The following MRO variants were observed in gnomAD, a reference collection of about 807,000 sequenced individuals.
MRO encodes protein maestro.
MRO carries 28 observed loss-of-function variants against 31.0 expected under a neutral mutation model. The ratio of observed to expected loss-of-function variants is 0.90; its 90% confidence interval spans 0.67 to 1.24. MRO has a LOEUF of 1.24. Among genes scored for constraint, MRO ranks in the 50% most tolerant of loss-of-function variants. MRO has a pLI of 0.00. For synonymous variants in MRO, 108 were observed against 108.4 expected (o/e 1.00, Z 0.02); for missense variants, 332 against 289.2 (o/e 1.15, Z -1.07).
Position 50,801,427 on chromosome 18 carries a change from T to G in MRO, c.507A>C (p.Lys169Asn), listed in dbSNP as rs925799345. The change falls in exon 6 of 8, where the codon AAA becomes AAC. Residue 169 changes from lysine (K) to asparagine (N), a missense_variant. Physicochemically the swap from Lys to Asn is moderately conservative, Grantham distance 94. Transcript: ENST00000398439. ...TCTGCTTAACCTGACTGGTGAAAAA[T>G]TTTTTCCATTTCCTCCCGGCAAAGG... Reference protein sequence around the residue: ...LAAFAGRKWKKFFTSQVKQTR... With the variant: ...LAAFAGRKWKNFFTSQVKQTR... 3 of 1,611,594 alleles carry G rather than the reference T, an allele frequency of 1.9e-6. No homozygotes were observed. Among genetic ancestry groups the G allele is most frequent in the Non-Finnish European group, 2.5e-6 (3 of 1,178,464 alleles).
chr18:50,810,789 A>G (rs1197710571), intron 2 of MRO, among the ~76,000 whole-genome samples: 2 of 152,208 alleles, frequency 1.3e-5, no homozygotes, highest in Non-Finnish European at 2.9e-5. Context: ...CTTTCTTCCA[A>G]GCTCCCAGGG....
chr18:50,825,017 C>T (rs867123888), intron 1 of MRO, among the ~76,000 whole-genome samples: 3 of 149,056 alleles, frequency 2.0e-5, no homozygotes, highest in Admixed American at 6.7e-5. Flanking sequence ...CGCAGTGAGC[C>T]GAGATCGCAC....
intron 5 of MRO, among the ~76,000 whole-genome samples, chr18:50,804,021 T>G (rs1301232942): frequency 6.6e-6 from 1 of 151,260 alleles, no homozygotes; most frequent in Non-Finnish European, 1.5e-5. Context: ...GGTAGTTGAG[T>G]GTAGCCCTAT....
intron 2 of MRO, among the ~76,000 whole-genome samples, chr18:50,810,966 C>T (rs1050535460): frequency 5.9e-5 from 9 of 152,066 alleles, no homozygotes; most frequent in Non-Finnish European, 1.3e-4. Flanking sequence ...GAGAGAGGAC[C>T]GTGGGCTGGA....
chr18:50,811,425 A>C (rs1914461890), intron 2 of MRO, among the ~76,000 whole-genome samples: 1 of 152,216 alleles, frequency 6.6e-6, no homozygotes, highest in African/African-American at 2.4e-5. Flanking sequence ...ACCTATTCTG[A>C]ATATTTCACA....
In MRO at chr18:50,796,858, T is replaced by C. The variant is rs1912834106; in HGVS notation, c.*2479A>G. Reference sequence around the variant, plus strand: ...TTAATCACATGGCCAGGCTCTGTGGTAGGTATGGTGAGAAACAGAAACAAA... The same window carrying C: ...TTAATCACATGGCCAGGCTCTGTGGCAGGTATGGTGAGAAACAGAAACAAA... On this transcript the variant is annotated 3_prime_UTR_variant, in exon 8 of 8. Transcript: ENST00000398439. 1 of 152,284 alleles carries C rather than the reference T, an allele frequency of 6.6e-6. No homozygotes were observed. The highest frequency in any genetic ancestry group is 2.1e-4 in the South Asian group (1 of 4,824). 9.4% of individuals were successfully genotyped at this position (152,284 alleles called of 1,614,324 possible).
rs1310702333 is a variant in MRO at position 50,809,142 on chromosome 18, CTCAAAAA to C, written c.99+153_99+159del. Reference sequence around the variant, plus strand: ...CCTGGGCGACAGAGCGAGACTCCGTCTCAAAAAAAAAAAAAAAAAAAAAAAAAAAAAC... The same window carrying C: ...CCTGGGCGACAGAGCGAGACTCCGTCAAAAAAAAAAAAAAAAAAAAAAAAC... On this transcript the variant is annotated intron_variant, in intron 3 of 7. Transcript: ENST00000398439. Among the ~76,000 whole-genome samples the C allele has an allele frequency of 8.1e-4, 54 of 66,482 alleles. 2 individuals carry two copies. The highest frequency in any genetic ancestry group is 8.8e-3 in the Middle Eastern group (1 of 114). The allele number at this position is 66,482 out of a possible 152,430, so 43.6% of individuals were successfully genotyped here.
intron 5 of MRO, 144 bp from the exon 6 acceptor site, chr18:50,801,648 A>G (rs916172071): frequency 2.7e-6 from 2 of 744,186 alleles, no homozygotes; most frequent in African/African-American, 3.5e-5. Flanking sequence ...ACTGTACATT[A>G]CAGGGTGGGT....
chr18:50,802,531 A>G (rs917577848), intron 5 of MRO, among the ~76,000 whole-genome samples: 1 of 152,092 alleles, frequency 6.6e-6, no homozygotes, highest in African/African-American at 2.4e-5. Context: ...TTTGTAGTCT[A>G]AGTCCTCCTC....
chr18:50,823,810 AC>A (rs1375663502), upstream of MRO: 3 of 204,836 alleles, frequency 1.5e-5, no homozygotes, highest in African/African-American at 7.0e-5. Flanking sequence ...ATGGGGCTGG[AC>A]ACAGGATTGG....
chr18:50,803,847 G>A (rs1368152500), intron 5 of MRO, among the ~76,000 whole-genome samples: 2 of 152,256 alleles, frequency 1.3e-5, no homozygotes, highest in Non-Finnish European at 2.9e-5. Flanking sequence ...AAATCTCTCT[G>A]GGAGTAAATA....
intron 4 of MRO, among the ~76,000 whole-genome samples, chr18:50,806,114 TA>T (rs1425480569): frequency 6.6e-6 from 1 of 152,064 alleles, no homozygotes; most frequent in African/African-American, 2.4e-5. Flanking sequence ...TACAAAAATA[TA>T]AAAGAAATGG....
At chr18:50,804,542 A>AT (rs1913718093) in intron 5 of MRO, among the ~76,000 whole-genome samples, 1 of 151,970 alleles carries the variant, frequency 6.6e-6, no homozygotes, top group Non-Finnish European at 1.5e-5. Flanking sequence ...GGGAGGATCA[A>AT]TTGAGCCCAG....
rs745780289 is a variant in MRO at position 50,799,393 on chromosome 18, G to T, written c.694-3C>A. 6.2e-7 allele frequency: 1 copy of T among 1,613,868 alleles called. No homozygotes were observed. Among genetic ancestry groups the T allele is most frequent in the Admixed American group, 1.7e-5 (1 of 60,016 alleles). On this transcript the variant is annotated splice_region_variant and splice_polypyrimidine_tract_variant and intron_variant, in intron 7 of 7. Coordinates refer to ENST00000398439, the MANE Select transcript of MRO (RefSeq NM_031939.6). Reference sequence around the variant, plus strand: ...AGGATCTCTGGATGATAGTGGCTCTGAAAGAAATTAGCAAAGGTACGCGTG... The same window carrying T: ...AGGATCTCTGGATGATAGTGGCTCTTAAAGAAATTAGCAAAGGTACGCGTG...
At chr18:50,820,179 T>C (rs1476272196), upstream of MRO, 1 of 591,996 alleles carries the variant, frequency 1.7e-6, no homozygotes, top group Non-Finnish European at 3.0e-6. Flanking sequence ...AGAGCGCATT[T>C]AATCTAAGGA....
At chr18:50,815,667 G>A (rs1319894666) in intron 2 of MRO, 4 of 377,788 alleles carry the variant, frequency 1.1e-5, no homozygotes, top group Admixed American at 9.1e-5. Flanking sequence ...AAGAAGTTCA[G>A]GCAGTCCCTG....
chr18:50,815,213 A>G (rs1914805077), intron 2 of MRO: 1 of 201,864 alleles, frequency 5.0e-6, no homozygotes, highest in South Asian at 9.6e-5. Context: ...TGTGAAGTAA[A>G]AAGTGTCCTT....
chr18:50,816,106 G>C (rs2586771), intron 2 of MRO: 21,319 of 152,636 alleles, frequency 0.14, 2,026 homozygotes, highest in Non-Finnish European at 0.21. Flanking sequence ...AAGAAGTTTT[G>C]GGAAAGCAGC....
chr18:50,808,471 T>TTA (rs1555669105), intron 3 of MRO, among the ~76,000 whole-genome samples: 57 of 150,814 alleles, frequency 3.8e-4, no homozygotes, highest in Non-Finnish European at 6.7e-4. Context: ...TTTTTTTTTT[T>TTA]AATTTAAGAC....
Sources: allele counts gnomAD v4.1 joint callset (sites outside exome capture counted in the v4.1 genomes callset), GRCh38; gene constraint gnomAD v4.1.1; transcripts MANE v1.5; gene names NCBI Gene and HGNC (gene_info 2026-07-23, HGNC 2026-07-21).